TTLL5: variants seen among roughly 807,000 people sequenced by gnomAD.
TTLL5 encodes the protein tubulin polyglutamylase TTLL5.
A neutral mutation model predicts 168.4 loss-of-function variants in TTLL5; 132 were observed. The ratio of observed to expected loss-of-function variants is 0.78; its 90% CI spans 0.68 to 0.91. TTLL5 has a LOEUF of 0.91. Ranked by LOEUF, TTLL5 falls within the 40% of genes least tolerant of loss-of-function variation. The probability of loss-of-function intolerance (pLI) is 0.00; values close to 1 mark genes in which losing one functional copy is unlikely to be tolerated. For synonymous variants in TTLL5, 546 were observed against 558.6 expected, an observed-to-expected ratio of 0.98 and a Z score of 0.32; for missense variants, 1,545 against 1,581.5, an observed-to-expected ratio of 0.98 and a Z score of 0.39.
chr14:75,812,884 T>G (rs1894137954), intron 27 of TTLL5, among the ~76,000 whole-genome samples: 1 of 152,164 alleles, frequency 6.6e-6, no homozygotes, highest in South Asian at 2.1e-4. Context: ...GGGCTGGGGC[T>G]GTGGCTGGGC....
chr14:75,779,124 A>G (rs1891896399), intron 23 of TTLL5, among the ~76,000 whole-genome samples: 1 of 152,154 alleles, frequency 6.6e-6, no homozygotes, highest in African/African-American at 2.4e-5. Flanking sequence ...CTTTAAAAAT[A>G]TTTTAAAAAA....
chr14:75,721,692 C>A (rs1470499547), intron 12 of TTLL5, among the ~76,000 whole-genome samples: 1 of 152,164 alleles, frequency 6.6e-6, no homozygotes, highest in African/African-American at 2.4e-5. Context: ...CCTGAGAATA[C>A]CATGAAGATC....
chr14:75,863,764 A>C lies in TTLL5; in HGVS notation c.3424A>C (p.Thr1142Pro). The C allele has an allele frequency of 1.2e-6, 2 of 1,613,864 alleles. No homozygotes were observed. The highest frequency in any genetic ancestry group is 1.7e-6 in the Non-Finnish European group (2 of 1,179,942). Residue 1142 changes from threonine (T) to proline (P), a missense_variant, in exon 29 of 32, where the codon ACA becomes CCA. Thr to Pro is a conservative substitution (Grantham distance 38). Transcript: ENST00000298832. The stretch of plus-strand genomic sequence containing the variant: ...GGTCCCCCAGCACAAGTATCACCCC[A>C]CAGCAGGCAGCTATCAGCTTCAATT... ...GVVPQHKYHPTAGSYQLQFAL... is the reference protein window; with the variant it reads ...GVVPQHKYHPPAGSYQLQFAL...
rs538240881 is a variant in TTLL5 at position 75,669,326 on chromosome 14, A to G, written c.75-90A>G. 1.0e-4 allele frequency: 125 copies of G among 1,193,342 alleles called. No homozygotes were observed. In the South Asian group the frequency reaches 1.8e-3, roughly 17 times the overall value. 73.9% of individuals were successfully genotyped at this position (1,193,342 alleles called of 1,614,324 possible). ...ATTTGTATTCCAGAAGGAAGGGGAA[A>G]CTTGCTAAGCAACAAACCATAGTAA... On this transcript the variant is annotated intron_variant, in intron 2 of 31. Coordinates refer to ENST00000298832, the MANE Select transcript of TTLL5 (RefSeq NM_015072.5).
intron 13 of TTLL5, 130 bp from the exon 14 acceptor site, chr14:75,733,859 A>C: frequency 6.3e-6 from 5 of 787,970 alleles, no homozygotes; most frequent in Non-Finnish European, 6.2e-6. Flanking sequence ...GCCCCCGTGG[A>C]TTTTATGGGC....
Position 75,727,844 on chromosome 14 carries a change from C to A in TTLL5, c.1043-4494C>A, listed in dbSNP as rs148875175. The A allele has an allele frequency of 6.0e-6, 3 of 503,414 alleles. No individual in the cohort carries two copies. The East Asian group carries it at 1.7e-4, about 28-fold the overall frequency. 31.2% of individuals were successfully genotyped at this position (503,414 alleles called of 1,614,324 possible). A position where few individuals can be genotyped will look rare whatever the true frequency, so the allele number is the denominator to read the frequency against. Reference sequence around the variant, plus strand: ...CTGTGATGAAAGAAATAAGACTAGTCGTTGTCAGGGATGGGGGAAAGGGCA... The same window carrying A: ...CTGTGATGAAAGAAATAAGACTAGTAGTTGTCAGGGATGGGGGAAAGGGCA... On this transcript the variant is annotated intron_variant, in intron 12 of 31. Transcript: ENST00000298832.
rs1488718354 is a variant in TTLL5 at position 75,667,933 on chromosome 14, G to T, written c.75-1483G>T. ...GGGCCACCACACCCAGCTAATTTTT[G>T]TATTTTTAGTAGAGACGGGGTTTCA... On this transcript the variant is annotated intron_variant, in intron 2 of 31. Coordinates refer to ENST00000298832, the MANE Select transcript of TTLL5 (RefSeq NM_015072.5). Among the ~76,000 whole-genome samples the T allele has an allele frequency of 5.3e-5, 8 of 151,812 alleles. 1 individual carries two copies. The highest frequency in any genetic ancestry group is 2.9e-5 in the Non-Finnish European group (2 of 67,934).
chr14:75,772,255 GCAAA>G lies in TTLL5; in HGVS notation c.2136+406_2136+409del, dbSNP rs1290106462. ...ATTATCATCCCTGTTTTACAGAAGA[GCAAA>G]CAAAGACCTCGAGAAGCCAAGGTTC... On this transcript the variant is annotated intron_variant, in intron 21 of 31. Coordinates refer to ENST00000298832, the MANE Select transcript of TTLL5 (RefSeq NM_015072.5). Among the ~76,000 whole-genome samples, 6 of 152,282 alleles carry G rather than the reference GCAAA, an allele frequency of 3.9e-5. No homozygotes were observed. In the East Asian group the frequency reaches 1.2e-3, roughly 29 times the overall value.
intron 28 of TTLL5, among the ~76,000 whole-genome samples, chr14:75,856,010 A>G (rs551446208): frequency 3.3e-4 from 50 of 152,372 alleles, no homozygotes; most frequent in African/African-American, 1.2e-3. Flanking sequence ...AGGATTTTAA[A>G]GTGACTCTTA....
chr14:75,745,118 T>C lies in TTLL5; in HGVS notation c.1305T>C (p.Ser435=), dbSNP rs1212064199. The C allele has an allele frequency of 1.2e-6, 2 of 1,613,954 alleles. No individual in the cohort carries two copies. Among genetic ancestry groups the C allele is most frequent in the Admixed American group, 3.3e-5 (2 of 60,012 alleles). The change falls in exon 16 of 32, where the codon AGT becomes AGC. Residue 435 remains serine, a synonymous_variant. Transcript: ENST00000298832. ...KPQRCRPLSA[S]DAEMKNLVGS... The stretch of plus-strand genomic sequence containing the variant: ...AGCGTTGCCGTCCACTCTCTGCCAG[T>C]GATGCGGAAATGAAAAACCTCGTGG...
At chr14:75,683,190 G>A (rs1230392424) in intron 4 of TTLL5, among the ~76,000 whole-genome samples, 2 of 152,210 alleles carry the variant, frequency 1.3e-5, no homozygotes, top group East Asian at 3.8e-4. Context: ...ATGAATGGGT[G>A]AATTCTAAGT....
intron 4 of TTLL5, among the ~76,000 whole-genome samples, chr14:75,683,046 A>G (rs540722498): frequency 6.6e-6 from 1 of 152,322 alleles, no homozygotes; most frequent in South Asian, 2.1e-4. Flanking sequence ...TGCTGAGATT[A>G]CAGGCATGAG....
chr14:75,768,195 A>G (rs1314292713), intron 20 of TTLL5, among the ~76,000 whole-genome samples: 1 of 152,224 alleles, frequency 6.6e-6, no homozygotes, highest in African/African-American at 2.4e-5. Flanking sequence ...TTCAATGGGT[A>G]AGTCAGTAAA....
chr14:75,743,275 C>T (rs940787620), intron 15 of TTLL5, among the ~76,000 whole-genome samples: 8 of 152,136 alleles, frequency 5.3e-5, no homozygotes, highest in Non-Finnish European at 1.0e-4. Context: ...TAGTTGGTCT[C>T]TCTTGTGTCC....
intron 30 of TTLL5, among the ~76,000 whole-genome samples, chr14:75,883,705 G>C (rs1595202660): frequency 6.6e-6 from 1 of 152,194 alleles, no homozygotes; most frequent in South Asian, 2.1e-4. Context: ...CCTTGTGGCT[G>C]TTTTAATTAT....
intron 12 of TTLL5, among the ~76,000 whole-genome samples, chr14:75,731,868 A>G (rs1888568528): frequency 6.6e-6 from 1 of 152,136 alleles, no homozygotes; most frequent in South Asian, 2.1e-4. Context: ...TGATGGAAGG[A>G]TTCTAGAGAA....
chr14:75,886,605 G>T, intron 30 of TTLL5: 2 of 1,377,350 alleles, frequency 1.5e-6, no homozygotes, highest in Non-Finnish European at 2.0e-6. Flanking sequence ...GTTCTGTGAA[G>T]GGAATGATTT....
Position 75,707,005 on chromosome 14 carries a change from C to G in TTLL5, c.586-13C>G, listed in dbSNP as rs1886706654. ...GTATTTCTATTCTTTCATTCTTTCT[C>G]TTTACTCAATAGCCAAACCAGATCT... is the stretch of plus-strand genomic sequence containing the variant. On this transcript the variant is annotated splice_polypyrimidine_tract_variant and intron_variant, in intron 7 of 31. Transcript: ENST00000298832. 4 of 1,600,136 alleles carry G rather than the reference C, an allele frequency of 2.5e-6. No homozygotes were observed. The highest frequency in any genetic ancestry group is 3.4e-6 in the Non-Finnish European group (4 of 1,169,754).
intron 7 of TTLL5, 139 bp downstream of exon 7, chr14:75,699,409 C>T (rs1052680174): frequency 2.9e-5 from 23 of 781,312 alleles, no homozygotes; most frequent in Middle Eastern, 4.5e-4. Flanking sequence ...GTGAGTTAAG[C>T]GTAGGTATAA....
Sources: gnomAD v4.1 joint callset for allele counts (sites outside exome capture counted in the v4.1 genomes callset) on GRCh38, gnomAD v4.1.1 for gene constraint, MANE v1.5 for transcripts, NCBI Gene and HGNC (gene_info 2026-07-23, HGNC 2026-07-21) for gene names.